Variants in KDM4B observed in about 807,000 individuals in gnomAD.
The protein encoded by KDM4B is lysine demethylase 4B, also known as lysine-specific demethylase 4B.
In KDM4B, 32 loss-of-function variants were observed where a neutral mutation model predicts 125.2. The observed-to-expected ratio is 0.26, with a 90% CI of 0.19 to 0.34. KDM4B has a LOEUF of 0.34. Ranked by LOEUF, KDM4B falls within the 10% of genes least tolerant of loss-of-function variation. The pLI is 1.00. For missense variants in KDM4B, 1,190 were observed against 1,577.7 expected (o/e 0.75, Z 4.16); for synonymous variants, 721 against 677.9 (o/e 1.06, Z -0.99).
chr19:5,107,247 G>C (rs1483374888), intron 9 of KDM4B, among the ~76,000 whole-genome samples: 1 of 152,256 alleles, frequency 6.6e-6, no homozygotes, highest in African/African-American at 2.4e-5. Flanking sequence ...GCGTGCTCAG[G>C]CCTTTGGGGG....
intron 1 of KDM4B, among the ~76,000 whole-genome samples, chr19:4,993,174 C>G (rs1394182424): frequency 2.0e-5 from 3 of 152,072 alleles, no homozygotes; most frequent in African/African-American, 7.2e-5. Flanking sequence ...CTTTGGGAGG[C>G]CGAGGTGAGT....
chr19:5,131,928 G>A lies in KDM4B; in HGVS notation c.1827G>A (p.Lys609=), dbSNP rs1396863720. 1 of 1,612,560 alleles carries A rather than the reference G, an allele frequency of 6.2e-7. No homozygotes were observed. Among genetic ancestry groups the A allele is most frequent in the African/African-American group, 1.3e-5 (1 of 74,888 alleles). ...CCAAATTGAAGATGGAGATCAAGAA[G>A]AGCCGGCGCCATCCCCTGGGCCGGC... ...TFSKLKMEIK[K]SRRHPLGRPP... is the part of the protein sequence containing the mutation. Residue 609 remains lysine, a synonymous_variant, in exon 13 of 23, where the codon AAG becomes AAA. Coordinates refer to ENST00000159111, the MANE Select transcript of KDM4B (RefSeq NM_015015.3).
chr19:5,123,903 G>C (rs146155983), intron 11 of KDM4B, among the ~76,000 whole-genome samples: 1 of 152,150 alleles, frequency 6.6e-6, no homozygotes, highest in East Asian at 1.9e-4. Flanking sequence ...TCTATTCCAA[G>C]GGGGACTGTG....
At chr19:5,090,363 CT>C (rs1479620835) in intron 9 of KDM4B, among the ~76,000 whole-genome samples, 13,765 of 132,644 alleles carry the variant, frequency 0.1, 1,007 homozygotes, top group Admixed American at 0.22. Context: ...TCTCTCTCTC[CT>C]CATCTCTCTC....
At chr19:5,038,901 G>A (rs1294130128) in intron 3 of KDM4B, among the ~76,000 whole-genome samples, 3 of 152,244 alleles carry the variant, frequency 2.0e-5, no homozygotes, top group South Asian at 2.1e-4. Flanking sequence ...CACTCCAGGC[G>A]GGGCGGAGGC....
rs1045026684 is a variant in KDM4B at position 4,997,348 on chromosome 19, C to T, written c.-108-18909C>T. Among the ~76,000 whole-genome samples the T allele has an allele frequency of 6.6e-6, 1 of 152,106 alleles. No individual in the cohort carries two copies. The highest frequency in any genetic ancestry group is 2.4e-5 in the African/African-American group (1 of 41,406). On this transcript the variant is annotated intron_variant, in intron 1 of 22. Transcript: ENST00000159111. This position sits in a 1 kb window ranked among gnomAD's most constrained non-coding sequence, Gnocchi z 4.2. ...TTGTGTCCCACTTAGAGAGGTTTCC[C>T]CCGCCCTAGGAGTCCAGGAGCGTCG...
intron 8 of KDM4B, 150 bp downstream of exon 8, chr19:5,077,620 C>T (rs973024576): frequency 6.3e-6 from 4 of 631,154 alleles, no homozygotes; most frequent in Non-Finnish European, 1.1e-5. Context: ...CCGCATGGCT[C>T]AGCAGTTAGC....
intron 1 of KDM4B, among the ~76,000 whole-genome samples, chr19:5,008,237 C>T (rs1351964732): frequency 6.6e-6 from 1 of 152,150 alleles, no homozygotes; most frequent in Non-Finnish European, 1.5e-5. Context: ...TGTGAATATC[C>T]AGCTGTCCCA....
At chr19:5,006,186 C>T (rs2035553230) in intron 1 of KDM4B, among the ~76,000 whole-genome samples, 1 of 152,114 alleles carries the variant, frequency 6.6e-6, no homozygotes, top group Non-Finnish European at 1.5e-5. Context: ...TGCCTGGCTC[C>T]CCGCAGCCTC....
Position 5,137,323 on chromosome 19 carries a change from C to T in KDM4B, c.2370C>T (p.Ala790=). 6.4e-7 allele frequency: 1 copy of T among 1,572,674 alleles called. No individual in the cohort carries two copies. Among genetic ancestry groups the T allele is most frequent in the Non-Finnish European group, 8.6e-7 (1 of 1,159,186 alleles). The change falls in exon 16 of 23, where the codon GCC becomes GCT. Residue 790 remains alanine (A), a synonymous_variant. Coordinates refer to ENST00000159111, the MANE Select transcript of KDM4B (RefSeq NM_015015.3). ...GCTGGACGTGTTCCCGGTGCGCGGC[C>T]CACGCCTGGACTGCGGTAACTCGCT... ...NEGWTCSRCA[A]HAWTAECCLC...
intron 1 of KDM4B, among the ~76,000 whole-genome samples, chr19:4,991,961 G>T (rs1451800200): frequency 1.3e-5 from 2 of 152,144 alleles, no homozygotes; most frequent in Non-Finnish European, 2.9e-5. Flanking sequence ...TACGGGTGTT[G>T]TTTTCTCATT....
Position 5,135,397 on chromosome 19 carries a change from C to T in KDM4B, c.2144C>T (p.Thr715Ile), listed in dbSNP as rs1436007948. 6.2e-7 allele frequency: 1 copy of T among 1,613,664 alleles called. No homozygotes were observed. The change falls in exon 15 of 23, where the codon ACA becomes ATA. Residue 715 changes from threonine to isoleucine, a missense_variant. Around this residue, in one of 7 missense-constraint regions of KDM4B, gnomAD observed 128 missense variants for 137.8 expected, o/e 0.93. Transcript: ENST00000159111. Reference sequence around the variant, plus strand: ...TCCCTCGGAGAGGGCTGCCCGGCCACATTACCCTCCAAAAGCCGTCAGAAG... The same window carrying T: ...TCCCTCGGAGAGGGCTGCCCGGCCATATTACCCTCCAAAAGCCGTCAGAAG... ...IASLGEGCPA[T>I]LPSKSRQKTR...
At chr19:5,073,880 GC>G (rs2038021680) in intron 7 of KDM4B, among the ~76,000 whole-genome samples, 1 of 152,182 alleles carries the variant, frequency 6.6e-6, no homozygotes, top group Non-Finnish European at 1.5e-5. Flanking sequence ...GCTTTGAGAG[GC>G]TGACGTCAGA....
At chr19:5,051,809 G>C (rs910433226) in intron 6 of KDM4B, among the ~76,000 whole-genome samples, 1 of 152,256 alleles carries the variant, frequency 6.6e-6, no homozygotes, top group Non-Finnish European at 1.5e-5. Flanking sequence ...ACCCGCGGCA[G>C]TCTGGAAATC....
intron 3 of KDM4B, among the ~76,000 whole-genome samples, chr19:5,039,310 C>T (rs1428051887): frequency 1.3e-5 from 2 of 152,106 alleles, no homozygotes; most frequent in Non-Finnish European, 2.9e-5. Flanking sequence ...AAAAAATTAG[C>T]TGGGCATGGT....
chr19:5,079,376 G>A (rs931235441), intron 8 of KDM4B, among the ~76,000 whole-genome samples: 3 of 152,198 alleles, frequency 2.0e-5, no homozygotes, highest in African/African-American at 7.2e-5. Context: ...AGTGTGGAAC[G>A]AAGCCACCAG....
chr19:5,140,748 TGAG>T (rs67322803), intron 18 of KDM4B: 37,328 of 149,524 alleles, frequency 0.25, 4,689 homozygotes, highest in East Asian at 0.46. Flanking sequence ...AAAAAAAAGA[TGAG>T]GAGAGCAAAA....
intron 21 of KDM4B, among the ~76,000 whole-genome samples, chr19:5,145,906 GT>G (rs1365853032): frequency 2.0e-5 from 3 of 152,318 alleles, no homozygotes; most frequent in Admixed American, 1.3e-4. Flanking sequence ...TACCACGTCG[GT>G]TAAGGTGAAA....
rs188386563 is a variant in KDM4B, at chr19:5,115,297, C to T, written c.1116-4356C>T. ...GGTGCTGGGGGGATGTGGGGGCAAC[C>T]AGCAGAAGACAGTGGGTGGCTCTGG... On this transcript the variant is annotated intron_variant, in intron 10 of 22. Transcript: ENST00000159111. This position sits in a 1 kb window ranked among gnomAD's most constrained non-coding sequence, Gnocchi z 4.2. 6.6e-3 allele frequency among the ~76,000 whole-genome samples: 1,004 copies of T among 152,142 alleles called. 13 individuals carry two copies. The highest frequency in any genetic ancestry group is 0.023 in the African/African-American group (963 of 41,494).
Sources: allele counts gnomAD v4.1 joint callset (sites outside exome capture counted in the v4.1 genomes callset), GRCh38; gene constraint gnomAD v4.1.1; regional missense constraint gnomAD v4.1.1; non-coding constraint Gnocchi (gnomAD v3.1); transcripts MANE v1.5; gene names NCBI Gene and HGNC (gene_info 2026-07-23, HGNC 2026-07-21).